The following CHM variants were observed in gnomAD, a reference collection of about 807,000 sequenced individuals.
CHM encodes the protein rab proteins geranylgeranyltransferase component A 1.
A neutral mutation model predicts 49.0 loss-of-function variants in CHM; 10 were observed. That is an observed-to-expected ratio of 0.20 (90% CI 0.13 to 0.35). The LOEUF (loss-of-function observed/expected upper bound fraction) is 0.35, where lower values mean the gene tolerates loss of function less well. Among genes scored for constraint, CHM ranks in the 10% least tolerant of loss-of-function variants. The pLI is 1.00. For synonymous variants in CHM, 184 were observed against 167.5 expected (o/e 1.10, Z -0.76); for missense variants, 455 against 478.4 (o/e 0.95, Z 0.46).
intron 2 of CHM, among the ~76,000 whole-genome samples, chrX:86,004,335 T>C (rs1049619523): frequency 8.9e-6 from 1 of 111,970 alleles, no homozygotes; most frequent in Non-Finnish European, 1.9e-5. Context: ...CCATCGATAC[T>C]ATAAAGAAAC....
intron 12 of CHM, among the ~76,000 whole-genome samples, chrX:85,889,985 A>G (rs1925340506): frequency 9.0e-6 from 1 of 111,361 alleles, no homozygotes; most frequent in Non-Finnish European, 1.9e-5. Context: ...CACAAGTAGG[A>G]GCTAAATCTG....
At chrX:85,912,272 A>G (rs185236968) in intron 8 of CHM, among the ~76,000 whole-genome samples, 133 of 111,389 alleles carry the variant, frequency 1.2e-3, no homozygotes, top group African/African-American at 4.2e-3. Context: ...TAGGGGAAGC[A>G]ATGGCTAAAG....
chrX:86,027,541 G>T lies in CHM; in HGVS notation c.66C>A (p.Ile22=). 8.3e-7 allele frequency: 1 copy of T among 1,207,673 alleles called. No individual in the cohort carries two copies. Among genetic ancestry groups the T allele is most frequent in the Non-Finnish European group, 1.1e-6 (1 of 892,000 alleles). The stretch of plus-strand genomic sequence containing the variant: ...CACTTCTTGAACATGCAGCTGCAAT[G>T]ATGGATTCAGGCAAACCTACAAAAA... ...IVIGTGLPES[I]IAAACSRSGR... is the part of the protein sequence containing the mutation. The change falls in exon 2 of 15, where the codon ATC becomes ATA. Residue 22 remains isoleucine, a synonymous_variant. Coordinates refer to ENST00000357749, the MANE Select transcript of CHM (RefSeq NM_000390.4).
At chrX:85,959,060 A>AT in intron 5 of CHM, 83 bp from the exon 6 acceptor site, 1 of 1,061,584 alleles carries the variant, frequency 9.4e-7, no homozygotes, top group Non-Finnish European at 1.3e-6. Context: ...ATTTTGCTAT[A>AT]TTTTTTATTA....
intron 8 of CHM, among the ~76,000 whole-genome samples, chrX:85,925,569 T>C (rs1229485926): frequency 9.0e-6 from 1 of 111,433 alleles, no homozygotes; most frequent in Non-Finnish European, 1.9e-5. Flanking sequence ...CAATCCTACT[T>C]AGAATCTCTA....
intron 3 of CHM, among the ~76,000 whole-genome samples, chrX:85,981,454 G>A (rs1422602676): frequency 2.7e-5 from 3 of 109,503 alleles, no homozygotes; most frequent in African/African-American, 6.7e-5. Context: ...GGCTGGTCTC[G>A]AACTCCTGAC....
chrX:85,909,474 C>T (rs1158837632), intron 9 of CHM, among the ~76,000 whole-genome samples: 1 of 111,116 alleles, frequency 9.0e-6, no homozygotes, highest in Admixed American at 9.6e-5. Flanking sequence ...ATTTCACTTT[C>T]TGAGGGTGAA....
At chrX:85,992,869 C>T (rs914168927) in intron 2 of CHM, among the ~76,000 whole-genome samples, 25 of 112,186 alleles carry the variant, frequency 2.2e-4, no homozygotes, top group Admixed American at 1.9e-3. Context: ...AGATCGTGTT[C>T]GCAGTCATTA....
chrX:86,006,912 T>C (rs1456190926), intron 2 of CHM, among the ~76,000 whole-genome samples: 1 of 111,753 alleles, frequency 8.9e-6, no homozygotes, highest in African/African-American at 3.3e-5. Flanking sequence ...AAAAGTACTT[T>C]AAAGTTCATA....
intron 8 of CHM, among the ~76,000 whole-genome samples, chrX:85,949,574 T>C (rs1296317676): frequency 9.1e-6 from 1 of 110,413 alleles, no homozygotes; most frequent in East Asian, 2.9e-4. Flanking sequence ...CCCCCGCTTG[T>C]ATTAAGTTGA....
At chrX:85,986,173 C>A (rs756972493) in intron 2 of CHM, among the ~76,000 whole-genome samples, 1 of 111,409 alleles carries the variant, frequency 9.0e-6, no homozygotes, top group South Asian at 3.9e-4. Flanking sequence ...GGGCCCAGAG[C>A]ACAGATCCTG....
At chrX:86,006,481 T>C (rs1932857794) in intron 2 of CHM, among the ~76,000 whole-genome samples, 1 of 111,902 alleles carries the variant, frequency 8.9e-6, no homozygotes, top group African/African-American at 3.3e-5. Flanking sequence ...TTGTCCCTGT[T>C]TGCAGATGAT....
chrX:85,911,736 ACT>A (rs1438030546), intron 8 of CHM, among the ~76,000 whole-genome samples: 2 of 111,179 alleles, frequency 1.8e-5, no homozygotes, highest in Non-Finnish European at 3.8e-5. Context: ...AGCAGGGAAG[ACT>A]CTGGAAAACT....
rs1243973119 is a variant in CHM, at chrX:85,862,555, AGTAGGTTATAATGTGATCCTACT to A, written c.*2052_*2074del. ...AAGAAAAATCGAATCCCTATGACAAAGTAGGTTATAATGTGATCCTACTGTCCCTGATTTGTGTGACATTATAA... is the reference window on the plus strand; with the variant it reads ...AAGAAAAATCGAATCCCTATGACAAAGTCCCTGATTTGTGTGACATTATAA... On this transcript the variant is annotated 3_prime_UTR_variant, in exon 15 of 15. Coordinates refer to ENST00000357749, the MANE Select transcript of CHM (RefSeq NM_000390.4). 1.8e-5 allele frequency: 2 copies of A among 111,911 alleles called. No homozygotes were observed. Among genetic ancestry groups the A allele is most frequent in the African/African-American group, 6.5e-5 (2 of 30,680 alleles). 9.2% of individuals were successfully genotyped at this position (111,911 alleles called of 1,213,427 possible).
intron 2 of CHM, among the ~76,000 whole-genome samples, chrX:85,997,049 T>C (rs1932471509): frequency 8.9e-6 from 1 of 112,221 alleles, no homozygotes; most frequent in South Asian, 3.7e-4. Flanking sequence ...CCCAGGCACA[T>C]GTCCTTAATG....
intron 2 of CHM, among the ~76,000 whole-genome samples, chrX:85,991,189 A>G (rs1328252652): frequency 1.8e-5 from 2 of 111,552 alleles, no homozygotes; most frequent in East Asian, 5.6e-4. Flanking sequence ...TAATTTCCCA[A>G]CTTGTTTTTA....
chrX:85,882,379 G>A (rs755374404), intron 12 of CHM, among the ~76,000 whole-genome samples: 97 of 111,192 alleles, frequency 8.7e-4, no homozygotes, highest in African/African-American at 2.0e-3. Context: ...AAAGTATTAC[G>A]TTTCATTAGT....
At chrX:85,954,279 T>C (rs1929898193) in intron 8 of CHM, among the ~76,000 whole-genome samples, 1 of 111,852 alleles carries the variant, frequency 8.9e-6, no homozygotes, top group Non-Finnish European at 1.9e-5. Context: ...CACTAGCAAA[T>C]GCTGGCAAAG....
intron 12 of CHM, among the ~76,000 whole-genome samples, chrX:85,891,227 A>T (rs1925430372): frequency 8.9e-6 from 1 of 112,171 alleles, no homozygotes. Context: ...GCAGTAGAAA[A>T]CACATTTTTT....
Sources: gnomAD v4.1 joint callset for allele counts (sites outside exome capture counted in the v4.1 genomes callset) on GRCh38, gnomAD v4.1.1 for gene constraint, MANE v1.5 for transcripts, NCBI Gene and HGNC (gene_info 2026-07-23, HGNC 2026-07-21) for gene names.